The following GPC6 variants were observed in gnomAD, a reference collection of about 807,000 sequenced individuals.
GPC6 encodes the protein glypican-6.
In GPC6, 14 loss-of-function variants were observed where a neutral mutation model predicts 55.2. The ratio of observed to expected loss-of-function variants is 0.25; its 90% CI spans 0.17 to 0.40. The LOEUF is 0.40. Among genes scored for constraint, GPC6 ranks in the 10% least tolerant of loss-of-function variants. GPC6 has a pLI of 1.00. For synonymous variants in GPC6, 278 were observed against 259.6 expected, an observed-to-expected ratio of 1.07 and a Z score of -0.68; for missense variants, 641 against 708.5, an observed-to-expected ratio of 0.90 and a Z score of 1.08.
At chr13:93,458,126 T>C (rs114729978) in intron 1 of GPC6, among the ~76,000 whole-genome samples, 6 of 152,312 alleles carry the variant, frequency 3.9e-5, no homozygotes, top group African/African-American at 1.4e-4. Context: ...GTATGGGTCT[T>C]TCTCAGATCT....
intron 3 of GPC6, among the ~76,000 whole-genome samples, chr13:93,873,225 G>C (rs1889185097): frequency 6.6e-6 from 1 of 151,776 alleles, no homozygotes; most frequent in Non-Finnish European, 1.5e-5. Context: ...CTGTTAGAAA[G>C]CTTAAACATT....
chr13:93,339,377 TA>T (rs3074917), intron 1 of GPC6, among the ~76,000 whole-genome samples: 3,255 of 137,398 alleles, frequency 0.024, 67 homozygotes, highest in African/African-American at 0.064. Context: ...CATCATCTAT[TA>T]AAAAAAAAAA....
chr13:94,311,218 C>CT lies in GPC6; in HGVS notation c.1152+5109dup, dbSNP rs34239151. Among the ~76,000 whole-genome samples the CT allele has an allele frequency of 6.0e-3, 877 of 145,178 alleles. 2 individuals carry two copies. Among genetic ancestry groups the CT allele is most frequent in the Middle Eastern group, 7.2e-3 (2 of 278 alleles). ...ACAATACCATTGCATGCTAATAACACTTTTTTTTTTTTTTGAGATGGAATC... is the reference window on the plus strand; with the variant it reads ...ACAATACCATTGCATGCTAATAACACTTTTTTTTTTTTTTTGAGATGGAATC... On this transcript the variant is annotated intron_variant, in intron 6 of 8. Coordinates refer to ENST00000377047, the MANE Select transcript of GPC6 (RefSeq NM_005708.5).
At chr13:93,457,524 G>A (rs142985895) in intron 1 of GPC6, among the ~76,000 whole-genome samples, 123 of 152,226 alleles carry the variant, frequency 8.1e-4, no homozygotes, top group Non-Finnish European at 1.5e-3. Context: ...TTTCAGTGGG[G>A]TTCTTGGTAC....
intron 4 of GPC6, among the ~76,000 whole-genome samples, chr13:94,109,318 T>G (rs1886159740): frequency 6.6e-6 from 1 of 152,188 alleles, no homozygotes. Flanking sequence ...TTTATTGGAT[T>G]CTTGGTAATC....
chr13:94,023,804 A>G (rs1419076178), intron 3 of GPC6, among the ~76,000 whole-genome samples: 6 of 152,050 alleles, frequency 3.9e-5, no homozygotes, highest in African/African-American at 1.4e-4. Flanking sequence ...ATAAAAAGAG[A>G]TGAACTATTA....
intron 4 of GPC6, among the ~76,000 whole-genome samples, chr13:94,033,533 G>T (rs1453960324): frequency 6.6e-6 from 1 of 152,164 alleles, no homozygotes; most frequent in Non-Finnish European, 1.5e-5. Flanking sequence ...ATTTTCTTTT[G>T]TAAAATGTAC....
At chr13:93,350,523 G>A (rs1436457003) in intron 1 of GPC6, among the ~76,000 whole-genome samples, 1 of 152,092 alleles carries the variant, frequency 6.6e-6, no homozygotes, top group Non-Finnish European at 1.5e-5. Flanking sequence ...ACCCTTTAAA[G>A]CACATAGTAA....
At chr13:93,298,536 G>A (rs1188837973) in intron 1 of GPC6, among the ~76,000 whole-genome samples, 1 of 152,106 alleles carries the variant, frequency 6.6e-6, no homozygotes, top group Non-Finnish European at 1.5e-5. Flanking sequence ...CTGGGCTTAA[G>A]CGATCCTCCC....
intron 4 of GPC6, among the ~76,000 whole-genome samples, chr13:94,194,262 G>A (rs1345946316): frequency 6.6e-6 from 1 of 152,146 alleles, no homozygotes; most frequent in Non-Finnish European, 1.5e-5. Flanking sequence ...TAAACTAGAA[G>A]TTTTTGGGGA....
intron 3 of GPC6, among the ~76,000 whole-genome samples, chr13:93,849,319 T>C (rs1454225787): frequency 6.6e-6 from 1 of 152,128 alleles, no homozygotes; most frequent in African/African-American, 2.4e-5. Context: ...GAAAAGGATG[T>C]ACTATAGTTC....
At chr13:93,363,205 A>G (rs2139180542) in intron 1 of GPC6, among the ~76,000 whole-genome samples, 1 of 148,400 alleles carries the variant, frequency 6.7e-6, no homozygotes, top group Non-Finnish European at 1.5e-5. Flanking sequence ...ACATATGTAT[A>G]CATGTGCCAT....
chr13:94,244,646 T>A (rs542926489), intron 4 of GPC6, among the ~76,000 whole-genome samples: 1 of 152,288 alleles, frequency 6.6e-6, no homozygotes, highest in Non-Finnish European at 1.5e-5. Flanking sequence ...ATCATGGAAG[T>A]CACATCCATT....
intron 4 of GPC6, among the ~76,000 whole-genome samples, chr13:94,157,263 C>T (rs1887984240): frequency 6.6e-6 from 1 of 152,142 alleles, no homozygotes; most frequent in Non-Finnish European, 1.5e-5. Context: ...GCCTGTAAAA[C>T]TGTTATTATA....
intron 3 of GPC6, among the ~76,000 whole-genome samples, chr13:94,016,119 T>A (rs937064786): frequency 3.3e-5 from 5 of 152,212 alleles, no homozygotes; most frequent in African/African-American, 4.8e-5. Flanking sequence ...ATACTTCATA[T>A]AAGTAGAATC....
At chr13:93,842,341 T>G (rs1305524604) in intron 3 of GPC6, among the ~76,000 whole-genome samples, 1 of 152,150 alleles carries the variant, frequency 6.6e-6, no homozygotes, top group Non-Finnish European at 1.5e-5. Context: ...AGAGAGAAGA[T>G]AACTATATAA....
At chr13:93,276,643 T>TG (rs1220555826) in intron 1 of GPC6, among the ~76,000 whole-genome samples, 1 of 150,756 alleles carries the variant, frequency 6.6e-6, no homozygotes, top group Non-Finnish European at 1.5e-5. Context: ...AAATATAGGG[T>TG]GGGGGTAAGG....
chr13:93,869,892 G>A (rs9589857), intron 3 of GPC6, among the ~76,000 whole-genome samples: 9,520 of 151,830 alleles, frequency 0.063, 935 homozygotes, highest in African/African-American at 0.21. Flanking sequence ...TCCACAGCTG[G>A]TTTTAAAAGA....
chr13:94,364,695 G>T (rs1374059571), intron 6 of GPC6, among the ~76,000 whole-genome samples: 1 of 152,060 alleles, frequency 6.6e-6, no homozygotes, highest in Non-Finnish European at 1.5e-5. Flanking sequence ...ATCACTGTAT[G>T]CCCAGGACCT....
Sources: gnomAD v4.1 joint callset for allele counts (sites outside exome capture counted in the v4.1 genomes callset) on GRCh38, gnomAD v4.1.1 for gene constraint, MANE v1.5 for transcripts, NCBI Gene and HGNC (gene_info 2026-07-23, HGNC 2026-07-21) for gene names.